Variants in NCKAP5 observed in about 807,000 individuals in gnomAD.
NCKAP5 encodes NCK associated protein 5, also known as nck-associated protein 5.
NCKAP5 carries 92 observed loss-of-function variants against 167.0 expected under a neutral mutation model. That is an observed-to-expected ratio of 0.55 (90% CI 0.47 to 0.66). The LOEUF (loss-of-function observed/expected upper bound fraction) is 0.66. NCKAP5 is among the 30% of genes least tolerant of loss of function. NCKAP5 has a pLI of 0.00. For synonymous variants in NCKAP5, 891 were observed against 877.4 expected (o/e 1.02, Z -0.27); for missense variants, 2,378 against 2,315.0 (o/e 1.03, Z -0.56).
intron 6 of NCKAP5, among the ~76,000 whole-genome samples, chr2:133,023,456 T>C (rs1221295497): frequency 1.3e-5 from 2 of 152,216 alleles, no homozygotes; most frequent in Middle Eastern, 3.2e-3. Flanking sequence ...TTTATAATTG[T>C]ACATTTATTT....
At chr2:133,564,401 C>T (rs1254505752) in intron 1 of NCKAP5, among the ~76,000 whole-genome samples, 1 of 151,774 alleles carries the variant, frequency 6.6e-6, no homozygotes, top group Non-Finnish European at 1.5e-5. Flanking sequence ...ACATTTTTTT[C>T]ATTTATTGAG....
intron 16 of NCKAP5, among the ~76,000 whole-genome samples, chr2:132,747,957 A>G (rs1430627): frequency 6.6e-6 from 1 of 152,094 alleles, no homozygotes. Flanking sequence ...TATTCAGTTT[A>G]CCAAGCATTC....
At chr2:132,878,111 G>C (rs531918529) in intron 9 of NCKAP5, among the ~76,000 whole-genome samples, 1 of 152,296 alleles carries the variant, frequency 6.6e-6, no homozygotes, top group Admixed American at 6.5e-5. Flanking sequence ...GACAGGATGC[G>C]TCGGTGATTG....
At chr2:133,447,390 C>G (rs1691264927) in intron 3 of NCKAP5, among the ~76,000 whole-genome samples, 1 of 151,860 alleles carries the variant, frequency 6.6e-6, no homozygotes, top group Non-Finnish European at 1.5e-5. Flanking sequence ...TTTTTAAGGC[C>G]TCTTTCTCCG....
chr2:132,811,581 C>T (rs530873708), intron 11 of NCKAP5, among the ~76,000 whole-genome samples: 12 of 152,214 alleles, frequency 7.9e-5, no homozygotes, highest in East Asian at 5.8e-4. Flanking sequence ...ACCTAAGGGC[C>T]GGTCTCACTA....
At chr2:133,229,916 C>A (rs917245317) in intron 4 of NCKAP5, among the ~76,000 whole-genome samples, 2 of 152,008 alleles carry the variant, frequency 1.3e-5, no homozygotes, top group African/African-American at 2.4e-5. Flanking sequence ...CTTCCACGTA[C>A]CAGCTCACTG....
chr2:133,070,464 A>C (rs1466427718), intron 6 of NCKAP5, among the ~76,000 whole-genome samples: 1 of 152,040 alleles, frequency 6.6e-6, no homozygotes, highest in Non-Finnish European at 1.5e-5. Flanking sequence ...GGGCATGCAG[A>C]TGTTTCCTGT....
the NCKAP5 span, among the ~76,000 whole-genome samples, chr2:133,673,765 A>G: frequency 6.6e-6 from 1 of 152,194 alleles, no homozygotes; most frequent in South Asian, 2.1e-4. Flanking sequence ...TGGCACATTA[A>G]AGATTAATAA....
intron 6 of NCKAP5, chr2:133,119,167 T>A (rs1174446229): frequency 6.6e-6 from 1 of 152,172 alleles, no homozygotes; most frequent in Admixed American, 6.5e-5. Context: ...CTATGCCAGC[T>A]AATTTTTGTA....
At chr2:133,511,799 G>C (rs1037188493) in intron 3 of NCKAP5, among the ~76,000 whole-genome samples, 1 of 152,210 alleles carries the variant, frequency 6.6e-6, no homozygotes, top group Non-Finnish European at 1.5e-5. Context: ...CTGACTTGAT[G>C]CTCATTTGGG....
intron 4 of NCKAP5, among the ~76,000 whole-genome samples, chr2:133,236,997 T>C (rs1435293594): frequency 6.6e-6 from 1 of 151,858 alleles, no homozygotes; most frequent in Non-Finnish European, 1.5e-5. Context: ...CGTATACATA[T>C]GTAACAAACC....
chr2:133,387,628 T>C (rs545951577), intron 3 of NCKAP5, among the ~76,000 whole-genome samples: 2 of 152,356 alleles, frequency 1.3e-5, no homozygotes, highest in East Asian at 1.9e-4. Flanking sequence ...GATAATATCC[T>C]GAAGAGTGTT....
At chr2:133,544,716 A>G (rs935498059) in intron 2 of NCKAP5, among the ~76,000 whole-genome samples, 9 of 152,222 alleles carry the variant, frequency 5.9e-5, no homozygotes, top group African/African-American at 1.9e-4. Context: ...TCTAGGATAA[A>G]TAGCTAAAGG....
At chr2:133,075,806 C>G (rs1259263644) in intron 6 of NCKAP5, among the ~76,000 whole-genome samples, 2 of 151,846 alleles carry the variant, frequency 1.3e-5, no homozygotes, top group African/African-American at 4.8e-5. Context: ...AAACAGAAAG[C>G]AAAAGATGGG....
At chr2:133,531,912 T>A (rs1022814309) in intron 2 of NCKAP5, among the ~76,000 whole-genome samples, 5 of 152,234 alleles carry the variant, frequency 3.3e-5, no homozygotes, top group African/African-American at 1.2e-4. Context: ...ATAAAAGCAC[T>A]GTAGATGTAG....
intron 3 of NCKAP5, among the ~76,000 whole-genome samples, chr2:133,467,279 T>C (rs1295344793): frequency 6.6e-6 from 1 of 151,372 alleles, no homozygotes; most frequent in Non-Finnish European, 1.5e-5. Flanking sequence ...ATGTGGTTTT[T>C]GTCTTTGGCT....
intron 3 of NCKAP5, among the ~76,000 whole-genome samples, chr2:133,351,662 C>A (rs1040375963): frequency 2.2e-4 from 34 of 152,156 alleles, no homozygotes; most frequent in Admixed American, 2.2e-3. Flanking sequence ...TGGCTCTCTC[C>A]TCACCTGTGC....
At chr2:133,541,401 C>T (rs1686217727) in intron 2 of NCKAP5, among the ~76,000 whole-genome samples, 1 of 151,894 alleles carries the variant, frequency 6.6e-6, no homozygotes, top group Non-Finnish European at 1.5e-5. Flanking sequence ...AGAAAATAGC[C>T]TAATTTAGTA....
At chr2:132,890,736 C>T (rs1415492230) in intron 8 of NCKAP5, among the ~76,000 whole-genome samples, 1 of 152,164 alleles carries the variant, frequency 6.6e-6, no homozygotes, top group Non-Finnish European at 1.5e-5. Flanking sequence ...CACCTGGCTG[C>T]CATAGTGGCC....
Sources: allele counts gnomAD v4.1 joint callset (sites outside exome capture counted in the v4.1 genomes callset), GRCh38; gene constraint gnomAD v4.1.1; transcripts MANE v1.5; gene names NCBI Gene and HGNC (gene_info 2026-07-23, HGNC 2026-07-21).